Variants in XKR4 observed in about 807,000 individuals in gnomAD.
XKR4 encodes the protein XK related 4, also known as XK-related protein 4.
XKR4 carries 12 observed loss-of-function variants against 53.9 expected under a neutral mutation model. The ratio of observed to expected loss-of-function variants is 0.22; its 90% CI spans 0.14 to 0.36. The LOEUF (loss-of-function observed/expected upper bound fraction) is 0.36, where lower values mean the gene tolerates loss of function less well. XKR4 is among the 10% of genes least tolerant of loss of function. The pLI is 1.00. For missense variants in XKR4, 799 were observed against 859.5 expected (o/e 0.93, Z 0.88); for synonymous variants, 354 against 362.4 (o/e 0.98, Z 0.26).
chr8:55,311,727 A>T (rs1406047228), intron 1 of XKR4, among the ~76,000 whole-genome samples: 2 of 151,114 alleles, frequency 1.3e-5, no homozygotes, highest in Non-Finnish European at 3.0e-5. Flanking sequence ...AAAGAATTGA[A>T]GTTGGGTAGA....
At chr8:55,469,220 T>C (rs2129399764) in intron 2 of XKR4, among the ~76,000 whole-genome samples, 1 of 152,234 alleles carries the variant, frequency 6.6e-6, no homozygotes, top group African/African-American at 2.4e-5. Context: ...TTCTTCAACT[T>C]TCCTGATACG....
chr8:55,143,132 T>C (rs1166754293), intron 1 of XKR4, among the ~76,000 whole-genome samples: 2 of 152,242 alleles, frequency 1.3e-5, no homozygotes, highest in Non-Finnish European at 2.9e-5. Flanking sequence ...TAGTATTCCA[T>C]CTTGCAGATT....
intron 2 of XKR4, among the ~76,000 whole-genome samples, chr8:55,367,515 T>C (rs773385569): frequency 3.3e-5 from 5 of 152,176 alleles, no homozygotes; most frequent in Non-Finnish European, 7.3e-5. Flanking sequence ...AGTCATGGGG[T>C]ACAGACAGAC....
intron 1 of XKR4, among the ~76,000 whole-genome samples, chr8:55,290,071 C>A (rs905722709): frequency 1.7e-4 from 25 of 150,250 alleles, no homozygotes; most frequent in African/African-American, 5.6e-4. Context: ...GGTTTTAATT[C>A]ATTTTCCTAG....
chr8:55,392,881 G>T (rs960183035), intron 2 of XKR4, among the ~76,000 whole-genome samples: 2 of 152,120 alleles, frequency 1.3e-5, no homozygotes, highest in Admixed American at 1.3e-4. Flanking sequence ...ATTAACTAGG[G>T]TACCAACTTT....
chr8:55,127,362 C>T (rs1816482894), intron 1 of XKR4, among the ~76,000 whole-genome samples: 1 of 151,742 alleles, frequency 6.6e-6, no homozygotes. Context: ...AAGCAATTCT[C>T]CTGCCTCAGC....
At chr8:55,344,740 T>C (rs1276568278) in intron 1 of XKR4, among the ~76,000 whole-genome samples, 1 of 152,232 alleles carries the variant, frequency 6.6e-6, no homozygotes, top group Non-Finnish European at 1.5e-5. Context: ...CTTCCTCTCC[T>C]ATTTCAGCCG....
intron 2 of XKR4, among the ~76,000 whole-genome samples, chr8:55,386,979 C>T (rs1319748589): frequency 6.6e-6 from 1 of 152,158 alleles, no homozygotes; most frequent in Non-Finnish European, 1.5e-5. Context: ...CTATGCAAGT[C>T]ACAGACACTT....
At chr8:55,340,524 C>T (rs1278050341) in intron 1 of XKR4, among the ~76,000 whole-genome samples, 1 of 152,230 alleles carries the variant, frequency 6.6e-6, no homozygotes, top group East Asian at 1.9e-4. Context: ...ACCTGTTGCA[C>T]TGGCTTCTGC....
At chr8:55,432,110 T>C (rs914794443) in intron 2 of XKR4, among the ~76,000 whole-genome samples, 3 of 152,224 alleles carry the variant, frequency 2.0e-5, no homozygotes, top group Admixed American at 6.5e-5. Flanking sequence ...GTAAATTTTA[T>C]CCAGGAGAAG....
intron 1 of XKR4, among the ~76,000 whole-genome samples, chr8:55,267,703 A>G (rs1818630386): frequency 6.6e-6 from 1 of 151,946 alleles, no homozygotes; most frequent in Non-Finnish European, 1.5e-5. Context: ...GAGTTGCATT[A>G]TTTTTATAAT....
chr8:55,302,071 A>G (rs1263927348), intron 1 of XKR4, among the ~76,000 whole-genome samples: 2 of 152,048 alleles, frequency 1.3e-5, no homozygotes, highest in Non-Finnish European at 2.9e-5. Context: ...GTCCTTGCCC[A>G]TGCCTATGTC....
chr8:55,184,016 A>G (rs920856561), intron 1 of XKR4, among the ~76,000 whole-genome samples: 3 of 152,162 alleles, frequency 2.0e-5, no homozygotes, highest in Admixed American at 6.5e-5. Flanking sequence ...CCGAATGCCT[A>G]ATAGGGTTCA....
chr8:55,516,570 G>C (rs1361441827), intron 2 of XKR4, among the ~76,000 whole-genome samples: 1 of 152,182 alleles, frequency 6.6e-6, no homozygotes, highest in Non-Finnish European at 1.5e-5. Flanking sequence ...AATGATATGA[G>C]AAAAGCTACT....
rs895368215 is a variant in XKR4 at position 55,533,758 on chromosome 8, C to T, written c.*9531C>T. The T allele has an allele frequency of 6.6e-6, 1 of 152,226 alleles. No homozygotes were observed. The highest frequency in any genetic ancestry group is 2.4e-5 in the African/African-American group (1 of 41,456). 9.4% of individuals were successfully genotyped at this position (152,226 alleles called of 1,614,324 possible). A position where few individuals can be genotyped will look rare whatever the true frequency, so the allele number is the denominator to read the frequency against. The stretch of plus-strand genomic sequence containing the variant: ...CTTGACTTGTAATATTGTAACCAAG[C>T]TCCTGCAAGGGAACATTAATCAGTT... On this transcript the variant is annotated 3_prime_UTR_variant, in exon 3 of 3. Coordinates refer to ENST00000327381, the MANE Select transcript of XKR4 (RefSeq NM_052898.2).
intron 2 of XKR4, among the ~76,000 whole-genome samples, chr8:55,457,289 C>T (rs1370360933): frequency 6.6e-6 from 1 of 151,832 alleles, no homozygotes; most frequent in South Asian, 2.1e-4. Context: ...ACTACAGGCG[C>T]CCACCACCAC....
At chr8:55,460,781 C>G (rs1008029911) in intron 2 of XKR4, among the ~76,000 whole-genome samples, 1 of 152,194 alleles carries the variant, frequency 6.6e-6, no homozygotes, top group Non-Finnish European at 1.5e-5. Context: ...CACTCCCACC[C>G]TAATACTGTG....
At chr8:55,181,532 G>A (rs1817311350) in intron 1 of XKR4, among the ~76,000 whole-genome samples, 1 of 152,046 alleles carries the variant, frequency 6.6e-6, no homozygotes, top group Non-Finnish European at 1.5e-5. Flanking sequence ...ATATGCAGTA[G>A]GCATTTGATA....
intron 1 of XKR4, among the ~76,000 whole-genome samples, chr8:55,279,546 A>G (rs1171034636): frequency 6.6e-6 from 1 of 152,238 alleles, no homozygotes; most frequent in African/African-American, 2.4e-5. Flanking sequence ...GGAAAAGGGT[A>G]GCAAATTATA....
Sources: allele counts gnomAD v4.1 joint callset (sites outside exome capture counted in the v4.1 genomes callset), GRCh38; gene constraint gnomAD v4.1.1; transcripts MANE v1.5; gene names NCBI Gene and HGNC (gene_info 2026-07-23, HGNC 2026-07-21).